The following DLGAP2 variants were observed in gnomAD, a reference collection of about 807,000 sequenced individuals.
DLGAP2 encodes the protein DLG associated protein 2, also known as disks large-associated protein 2.
DLGAP2 carries 26 observed loss-of-function variants against 100.3 expected under a neutral mutation model. That is an observed-to-expected ratio of 0.26 (90% CI 0.19 to 0.36). The LOEUF (loss-of-function observed/expected upper bound fraction) is 0.36, where lower values mean the gene tolerates loss of function less well. DLGAP2 is among the 10% of genes least tolerant of loss of function. The pLI is 1.00. For missense variants in DLGAP2, 1,858 were observed against 1,453.2 expected, an observed-to-expected ratio of 1.28 and a Z score of -4.53; for synonymous variants, 886 against 630.1, an observed-to-expected ratio of 1.41 and a Z score of -6.08.
intron 1 of DLGAP2, among the ~76,000 whole-genome samples, chr8:747,501 G>A (rs952858270): frequency 5.4e-5 from 8 of 147,334 alleles, no homozygotes; most frequent in African/African-American, 2.0e-4. Flanking sequence ...CGAGGGGAAC[G>A]CGGAGGACAC....
At chr8:955,052 T>C (rs529198532) in intron 2 of DLGAP2, among the ~76,000 whole-genome samples, 12 of 152,154 alleles carry the variant, frequency 7.9e-5, no homozygotes, top group African/African-American at 2.9e-4. Context: ...CAGTGCCTGT[T>C]GTACCAATTT....
intron 6 of DLGAP2, chr8:1,621,411 C>T (rs1563261898): frequency 6.5e-6 from 1 of 152,680 alleles, no homozygotes; most frequent in Non-Finnish European, 1.5e-5. Flanking sequence ...GTTAGCTGCA[C>T]TGGGACCAGG....
intron 2 of DLGAP2, among the ~76,000 whole-genome samples, chr8:1,233,787 C>G (rs1192362173): frequency 6.6e-6 from 1 of 152,180 alleles, no homozygotes; most frequent in East Asian, 1.9e-4. Context: ...GTACTCCCTA[C>G]TTGAAAATAT....
At chr8:1,580,507 C>T (rs1289878213) in intron 6 of DLGAP2, among the ~76,000 whole-genome samples, 1 of 152,180 alleles carries the variant, frequency 6.6e-6, no homozygotes, top group Non-Finnish European at 1.5e-5. Flanking sequence ...TTCTCACACA[C>T]ATAGAACCTG....
At chr8:1,464,277 C>T (rs1407290176) in intron 3 of DLGAP2, among the ~76,000 whole-genome samples, 1 of 112,556 alleles carries the variant, frequency 8.9e-6, no homozygotes, top group South Asian at 3.0e-4. Context: ...CGGCACCCTT[C>T]CAGGACAACG....
At chr8:1,512,735 G>A (rs1188706797) in intron 4 of DLGAP2, among the ~76,000 whole-genome samples, 1 of 152,246 alleles carries the variant, frequency 6.6e-6, no homozygotes. Context: ...ATGGAGTAGA[G>A]ATCTCAGACT....
intron 2 of DLGAP2, among the ~76,000 whole-genome samples, chr8:1,122,965 G>C (rs953235820): frequency 6.6e-6 from 1 of 152,154 alleles, no homozygotes; most frequent in Non-Finnish European, 1.5e-5. Context: ...GCTTAGGTCC[G>C]CCAGATAGAG....
At chr8:1,230,672 A>G (rs1798517323) in intron 2 of DLGAP2, among the ~76,000 whole-genome samples, 1 of 152,218 alleles carries the variant, frequency 6.6e-6, no homozygotes, top group South Asian at 2.1e-4. Context: ...ATAAACCAAC[A>G]GAACAGAATA....
chr8:923,522 C>G (rs1432015334), intron 2 of DLGAP2, among the ~76,000 whole-genome samples: 2 of 152,154 alleles, frequency 1.3e-5, no homozygotes, highest in Admixed American at 1.3e-4. Flanking sequence ...AGCTACAGTT[C>G]CTGAAGTTGA....
chr8:1,377,040 C>T (rs1053209753), intron 3 of DLGAP2, among the ~76,000 whole-genome samples: 1 of 152,224 alleles, frequency 6.6e-6, no homozygotes, highest in Non-Finnish European at 1.5e-5. Flanking sequence ...TGTGCGCGGT[C>T]CCTGGCTGCT....
At chr8:789,189 T>A (rs1272814501) in intron 1 of DLGAP2, among the ~76,000 whole-genome samples, 1 of 152,252 alleles carries the variant, frequency 6.6e-6, no homozygotes, top group Non-Finnish European at 1.5e-5. Flanking sequence ...CTCACTCTGC[T>A]ATAAAGAAAT....
intron 2 of DLGAP2, among the ~76,000 whole-genome samples, chr8:1,113,799 C>A (rs569391513): frequency 6.6e-6 from 1 of 152,282 alleles, no homozygotes; most frequent in Admixed American, 6.5e-5. Flanking sequence ...ATTCTTCCAG[C>A]TTTTACCTAT....
At chr8:1,625,969 C>T (rs73543227) in intron 6 of DLGAP2, among the ~76,000 whole-genome samples, 15,322 of 126,778 alleles carry the variant, frequency 0.12, 955 homozygotes, top group Middle Eastern at 0.25. Flanking sequence ...TGGCCTGTGG[C>T]GGGTGCTCAG....
At chr8:1,302,623 C>A (rs80256665) in intron 3 of DLGAP2, 1 of 149,402 alleles carries the variant, frequency 6.7e-6, no homozygotes, top group Admixed American at 6.7e-5. Context: ...GTTCCCGAGC[C>A]CTGCTCCATA....
At chr8:1,533,021 C>G (rs916887448) in intron 4 of DLGAP2, among the ~76,000 whole-genome samples, 6 of 151,642 alleles carry the variant, frequency 4.0e-5, no homozygotes, top group Admixed American at 3.9e-4. Flanking sequence ...AAATTATTTC[C>G]AGATGATTCT....
Position 1,501,353 on chromosome 8 carries a change from T to G in DLGAP2, c.107-13T>G. 1 of 1,535,890 alleles carries G rather than the reference T, an allele frequency of 6.5e-7. No homozygotes were observed. The highest frequency in any genetic ancestry group is 8.7e-7 in the Non-Finnish European group (1 of 1,146,738). On this transcript the variant is annotated splice_polypyrimidine_tract_variant and intron_variant, in intron 3 of 14. Coordinates refer to ENST00000637795, the MANE Select transcript of DLGAP2 (RefSeq NM_001346810.2). ...AAACGCATTAAAGAGTGACTTTGTT[T>G]CTGTCTTTGCAGAGGAAGAAGCTGG...
intron 2 of DLGAP2, among the ~76,000 whole-genome samples, chr8:1,195,564 C>A (rs1797733272): frequency 6.6e-6 from 1 of 152,170 alleles, no homozygotes; most frequent in Non-Finnish European, 1.5e-5. Context: ...TAAAAATAGT[C>A]TTTTAAAAAC....
At chr8:1,621,054 C>T (rs748285839) in intron 6 of DLGAP2, 5 of 152,268 alleles carry the variant, frequency 3.3e-5, no homozygotes, top group African/African-American at 1.2e-4. Context: ...GTCTTTGTCC[C>T]CAACACACTG....
At chr8:1,637,099 T>C (rs2130787212) in intron 8 of DLGAP2, among the ~76,000 whole-genome samples, 2 of 152,278 alleles carry the variant, frequency 1.3e-5, no homozygotes, top group African/African-American at 4.8e-5. Context: ...GCAGACGTGC[T>C]TGCTCGGGGA....
Sources: gnomAD v4.1 joint callset for allele counts (sites outside exome capture counted in the v4.1 genomes callset) on GRCh38, gnomAD v4.1.1 for gene constraint, MANE v1.5 for transcripts, NCBI Gene and HGNC (gene_info 2026-07-23, HGNC 2026-07-21) for gene names.